The following TENM3 variants were observed in gnomAD, a reference collection of about 807,000 sequenced individuals.
TENM3 encodes teneurin transmembrane protein 3, also known as teneurin-3.
A neutral mutation model predicts 255.1 loss-of-function variants in TENM3; 63 were observed. The observed-to-expected ratio is 0.25, with a 90% CI of 0.20 to 0.30. The LOEUF (loss-of-function observed/expected upper bound fraction) is 0.30. Ranked by LOEUF, TENM3 falls within the 10% of genes least tolerant of loss-of-function variation. TENM3 has a pLI of 1.00. For synonymous variants in TENM3, 1,306 were observed against 1,322.3 expected (o/e 0.99, Z 0.27); for missense variants, 2,929 against 3,461.1 (o/e 0.85, Z 3.86).
In TENM3 at chr4:182,773,666, T is replaced by C; in HGVS notation, c.5068+19T>C. The C allele has an allele frequency of 6.2e-7, 1 of 1,601,472 alleles. No homozygotes were observed. The highest frequency in any genetic ancestry group is 8.5e-7 in the Non-Finnish European group (1 of 1,171,718). On this transcript the variant is annotated intron_variant, in intron 23 of 27. Transcript: ENST00000511685. ...GTTCAAGGTAAACACGAAAGCATCA[T>C]TTTAAACAAGTACCACCAGCACCCA...
chr4:182,340,445 A>T (rs1340705480), intron 2 of TENM3, among the ~76,000 whole-genome samples: 1 of 152,164 alleles, frequency 6.6e-6, no homozygotes, highest in Non-Finnish European at 1.5e-5. Context: ...AAATCAAGTA[A>T]GTAGTTGAAA....
At chr4:181,973,321 G>T in the TENM3 span, among the ~76,000 whole-genome samples, 1 of 152,054 alleles carries the variant, frequency 6.6e-6, no homozygotes, top group Non-Finnish European at 1.5e-5. Flanking sequence ...ATCTAGGGTG[G>T]ATAGAAAACA....
At chr4:182,575,158 A>T (rs961041538) in intron 3 of TENM3, among the ~76,000 whole-genome samples, 1 of 152,208 alleles carries the variant, frequency 6.6e-6, no homozygotes, top group Admixed American at 6.5e-5. Context: ...AAATCTGAAT[A>T]GAATCAATGG....
At chr4:181,917,298 TA>T in the TENM3 span, among the ~76,000 whole-genome samples, 2 of 152,180 alleles carry the variant, frequency 1.3e-5, no homozygotes, top group East Asian at 3.8e-4. Context: ...TAGAACAGTG[TA>T]AAAGGGATCG....
the TENM3 span, among the ~76,000 whole-genome samples, chr4:181,639,506 G>A: frequency 4.1e-4 from 63 of 152,198 alleles, no homozygotes; most frequent in African/African-American, 1.3e-3. Context: ...TTGGGAGGCC[G>A]AGGCGGGTGG....
chr4:181,717,861 T>C, the TENM3 span, among the ~76,000 whole-genome samples: 5 of 152,282 alleles, frequency 3.3e-5, no homozygotes, highest in Admixed American at 3.3e-4. Context: ...GATAATGTAT[T>C]TGAGTAAGAT....
intron 16 of TENM3, among the ~76,000 whole-genome samples, chr4:182,734,596 C>T (rs1408452505): frequency 6.6e-6 from 1 of 152,088 alleles, no homozygotes; most frequent in Admixed American, 6.5e-5. Context: ...ACACATTAGA[C>T]AGGGATTGGA....
chr4:182,520,537 A>C (rs1312718889), intron 3 of TENM3, among the ~76,000 whole-genome samples: 1 of 152,192 alleles, frequency 6.6e-6, no homozygotes, highest in Non-Finnish European at 1.5e-5. Flanking sequence ...CTCGTTTCAC[A>C]TATTAGCTTT....
chr4:181,681,767 G>T, the TENM3 span, among the ~76,000 whole-genome samples: 1 of 151,710 alleles, frequency 6.6e-6, no homozygotes, highest in Admixed American at 6.6e-5. Flanking sequence ...TCCCCAGTAG[G>T]GATAAAACAA....
chr4:181,974,510 G>A, the TENM3 span, among the ~76,000 whole-genome samples: 3 of 152,138 alleles, frequency 2.0e-5, no homozygotes, highest in African/African-American at 7.2e-5. Flanking sequence ...GGAGGTTGCA[G>A]TGAGCCGAGA....
At chr4:181,448,383 G>A in the TENM3 span, among the ~76,000 whole-genome samples, 1 of 150,838 alleles carries the variant, frequency 6.6e-6, no homozygotes, top group Non-Finnish European at 1.5e-5. Context: ...GTTTTAGCCG[G>A]GATGGTCTCG....
At chr4:181,769,308 C>T in the TENM3 span, among the ~76,000 whole-genome samples, 1 of 152,180 alleles carries the variant, frequency 6.6e-6, no homozygotes, top group Non-Finnish European at 1.5e-5. Flanking sequence ...TCAGCTTCCG[C>T]ATGCAAAGGA....
the TENM3 span, among the ~76,000 whole-genome samples, chr4:182,101,585 G>A: frequency 6.6e-6 from 1 of 152,136 alleles, no homozygotes. Context: ...TAGAAGTAGT[G>A]AGGAGAATGT....
At chr4:182,221,932 A>T (rs17072894) in intron 1 of TENM3, among the ~76,000 whole-genome samples, 3,195 of 152,038 alleles carry the variant, frequency 0.021, 116 homozygotes, top group African/African-American at 0.071. Flanking sequence ...TGGAGAGTTT[A>T]AAAAAAAGCA....
intron 3 of TENM3, among the ~76,000 whole-genome samples, chr4:182,513,253 G>T: frequency 6.6e-6 from 1 of 152,048 alleles, no homozygotes; most frequent in East Asian, 1.9e-4. Flanking sequence ...TTCGTACGGT[G>T]AAAGTTTATA....
At chr4:181,647,638 C>T in the TENM3 span, among the ~76,000 whole-genome samples, 1 of 151,980 alleles carries the variant, frequency 6.6e-6, no homozygotes, top group Non-Finnish European at 1.5e-5. Flanking sequence ...TTTGCAAGAG[C>T]TGTGAAGGGG....
chr4:182,065,435 G>C, the TENM3 span, among the ~76,000 whole-genome samples: 1 of 152,214 alleles, frequency 6.6e-6, no homozygotes, highest in Non-Finnish European at 1.5e-5. Context: ...TCACAGTCAC[G>C]GCAGAAGGCC....
At chr4:182,325,165 A>G (rs146952188) in intron 2 of TENM3, among the ~76,000 whole-genome samples, 5 of 152,350 alleles carry the variant, frequency 3.3e-5, no homozygotes, top group African/African-American at 1.2e-4. Context: ...AAAATAAATT[A>G]AACTTTAATA....
rs1205760217 is a variant in TENM3 at position 182,784,655 on chromosome 4, C to T, written c.5305-4438C>T. Among the ~76,000 whole-genome samples the T allele has an allele frequency of 8.6e-5, 13 of 151,118 alleles. No homozygotes were observed. The East Asian group carries it at 1.8e-3, about 21-fold the overall frequency. ...ATGGCGGGCGCCCCTCCCCAAGCCT[C>T]GCTGCCGCCTTGCAGTTTGATCTCA... is the stretch of plus-strand genomic sequence containing the variant. On this transcript the variant is annotated intron_variant, in intron 24 of 27. Transcript: ENST00000511685.
Sources: gnomAD v4.1 joint callset for allele counts (sites outside exome capture counted in the v4.1 genomes callset) on GRCh38, gnomAD v4.1.1 for gene constraint, MANE v1.5 for transcripts, NCBI Gene and HGNC (gene_info 2026-07-23, HGNC 2026-07-21) for gene names.